The following RTN3 variants were observed in gnomAD, a reference collection of about 807,000 sequenced individuals.
The protein encoded by RTN3 is reticulon 3.
Under a neutral mutation model 77.8 loss-of-function variants are expected in RTN3, and 49 were observed. That is an observed-to-expected ratio of 0.63 (90% confidence interval 0.50 to 0.80). RTN3 has a LOEUF of 0.80. Ranked by LOEUF, RTN3 falls within the 30% of genes least tolerant of loss-of-function variation. RTN3 has a pLI of 0.00. For missense variants in RTN3, 1,236 were observed against 1,211.9 expected, an observed-to-expected ratio of 1.02 and a Z score of -0.29; for synonymous variants, 464 against 446.9, an observed-to-expected ratio of 1.04 and a Z score of -0.48.
chr11:63,726,292 T>A (rs1256810709), intron 3 of RTN3, among the ~76,000 whole-genome samples: 1 of 152,108 alleles, frequency 6.6e-6, no homozygotes, highest in Admixed American at 6.6e-5. Flanking sequence ...ATGAAATTAG[T>A]TTTTTATTTT....
intron 2 of RTN3, among the ~76,000 whole-genome samples, chr11:63,706,957 T>C (rs1942525661): frequency 6.6e-6 from 1 of 151,206 alleles, no homozygotes; most frequent in Non-Finnish European, 1.5e-5. Context: ...AGTGCATTGG[T>C]GTGATCTCAG....
At chr11:63,686,500 C>A (rs1590770585) in intron 1 of RTN3, among the ~76,000 whole-genome samples, 1 of 145,496 alleles carries the variant, frequency 6.9e-6, no homozygotes, top group Non-Finnish European at 1.5e-5. Flanking sequence ...AGAACAAATT[C>A]TATACTTGCT....
At chr11:63,747,910 A>G (rs1050484403) in intron 3 of RTN3, among the ~76,000 whole-genome samples, 22 of 152,170 alleles carry the variant, frequency 1.4e-4, no homozygotes, top group Non-Finnish European at 2.5e-4. Flanking sequence ...ACTTAAACTC[A>G]TGTCTCTCCA....
At position 63,719,839 on chromosome 11, in the gene RTN3, C is replaced by A; in HGVS notation, c.1337C>A (p.Thr446Lys). The change falls in exon 3 of 9, where the codon ACA (threonine) becomes AAA (lysine). Residue 446 changes from threonine to lysine, a missense_variant. Thr to Lys is a moderately conservative substitution (Grantham distance 78, BLOSUM62 -1). Transcript: ENST00000377819. ...GGCAATATGCAGAAACAGGATGACACACTTGCAGAATTACCTGGATCTCCA... is the reference window on the plus strand; with the variant it reads ...GGCAATATGCAGAAACAGGATGACAAACTTGCAGAATTACCTGGATCTCCA... The part of the protein sequence containing the change: ...VQGNMQKQDD[T>K]LAELPGSPPE... 6.2e-7 allele frequency: 1 copy of A among 1,614,130 alleles called. No homozygotes were observed. Among genetic ancestry groups the A allele is most frequent in the Non-Finnish European group, 8.5e-7 (1 of 1,180,008 alleles).
intron 1 of RTN3, among the ~76,000 whole-genome samples, chr11:63,693,375 TG>T (rs2134655450): frequency 6.6e-6 from 1 of 151,856 alleles, no homozygotes; most frequent in South Asian, 2.1e-4. Flanking sequence ...CCCAGCTACT[TG>T]GGAAGGCTGA....
intron 1 of RTN3, among the ~76,000 whole-genome samples, chr11:63,702,496 A>G (rs1289291230): frequency 2.6e-5 from 4 of 151,032 alleles, no homozygotes; most frequent in Non-Finnish European, 4.4e-5. Context: ...TTGTATCTTT[A>G]GTAGAGACAG....
At chr11:63,725,548 A>G (rs1281262376) in intron 3 of RTN3, among the ~76,000 whole-genome samples, 1 of 151,736 alleles carries the variant, frequency 6.6e-6, no homozygotes, top group Non-Finnish European at 1.5e-5. Flanking sequence ...TCCCGGGTTC[A>G]TGCCATTCTC....
chr11:63,740,221 A>G (rs556689842), intron 3 of RTN3, among the ~76,000 whole-genome samples: 1 of 152,094 alleles, frequency 6.6e-6, no homozygotes, highest in African/African-American at 2.4e-5. Context: ...AAAAGTTTAT[A>G]TGGAAGTTTG....
intron 3 of RTN3, among the ~76,000 whole-genome samples, chr11:63,739,660 G>A (rs1044323638): frequency 2.6e-5 from 4 of 152,172 alleles, no homozygotes; most frequent in African/African-American, 7.2e-5. Context: ...TCAGGAGTCA[G>A]GATCTACTCC....
intron 1 of RTN3, among the ~76,000 whole-genome samples, chr11:63,687,122 A>G (rs910499036): frequency 6.6e-6 from 1 of 152,218 alleles, no homozygotes; most frequent in Non-Finnish European, 1.5e-5. Context: ...CAACACTGAC[A>G]TCATCTGAGT....
At chr11:63,704,333 C>T (rs1266476874) in intron 1 of RTN3, among the ~76,000 whole-genome samples, 1 of 152,082 alleles carries the variant, frequency 6.6e-6, no homozygotes, top group Non-Finnish European at 1.5e-5. Flanking sequence ...AGATAGATTT[C>T]TCATGTAGTC....
Position 63,758,615 on chromosome 11 carries a change from GA to G in RTN3, c.*420del, listed in dbSNP as rs1010428778. On this transcript the variant is annotated 3_prime_UTR_variant, in exon 9 of 9. Transcript: ENST00000377819. ...CCTTAAGAAGTCATGATTAACTTAT[GA>G]AAAAATTATTTGGGGACAGGAGTGT... is the stretch of plus-strand genomic sequence containing the variant. 2 of 392,412 alleles carry G rather than the reference GA, an allele frequency of 5.1e-6. No homozygotes were observed. Among genetic ancestry groups the G allele is most frequent in the African/African-American group, 4.1e-5 (2 of 48,336 alleles). 24.3% of individuals were successfully genotyped at this position (392,412 alleles called of 1,614,324 possible). A position where few individuals can be genotyped will look rare whatever the true frequency, so the allele number is the denominator to read the frequency against.
chr11:63,717,875 C>T (rs1166038124), intron 2 of RTN3, among the ~76,000 whole-genome samples: 1 of 151,626 alleles, frequency 6.6e-6, no homozygotes, highest in Non-Finnish European at 1.5e-5. Flanking sequence ...ATTAGCTGGG[C>T]TTGATGGTGC....
rs1455787206 is a variant in RTN3 at position 63,720,364 on chromosome 11, A to G, written c.1862A>G (p.Asn621Ser). ...TCAACAGTGTCTCCAAATGTTTTTA[A>G]TGAGACAGAATTCTCATTAAATGTG... The part of the protein sequence containing the change: ...LPSTVSPNVF[N>S]ETEFSLNVTT... The change falls in exon 3 of 9, where the codon AAT (asparagine) becomes AGT (serine). Residue 621 changes from asparagine to serine, a missense_variant. Physicochemically the swap from Asn to Ser is conservative, Grantham distance 46 (BLOSUM62 1). Around this residue, in one of 3 missense-constraint regions of RTN3, gnomAD observed 1,056 missense variants for 990.4 expected, o/e 1.07. Coordinates refer to ENST00000377819, the MANE Select transcript of RTN3 (RefSeq NM_001265589.2). 5.0e-6 allele frequency: 8 copies of G among 1,613,984 alleles called. No individual in the cohort carries two copies. Among genetic ancestry groups the G allele is most frequent in the Non-Finnish European group, 6.8e-6 (8 of 1,180,000 alleles).
intron 3 of RTN3, among the ~76,000 whole-genome samples, chr11:63,723,837 CAATG>C (rs532077042): frequency 9.2e-5 from 14 of 152,090 alleles, no homozygotes; most frequent in Non-Finnish European, 2.1e-4. Context: ...GCAAAAGAAA[CAATG>C]AAAGAATTAG....
In RTN3 at chr11:63,720,362, T is replaced by C. The variant is rs1364935620; in HGVS notation, c.1860T>C (p.Phe620=). ...KLPSTVSPNV[F]NETEFSLNVT... ...CTTCAACAGTGTCTCCAAATGTTTTTAATGAGACAGAATTCTCATTAAATG... is the reference window on the plus strand; with the variant it reads ...CTTCAACAGTGTCTCCAAATGTTTTCAATGAGACAGAATTCTCATTAAATG... The change falls in exon 3 of 9, where the codon TTT becomes TTC. Residue 620 remains phenylalanine, a synonymous_variant. Coordinates refer to ENST00000377819, the MANE Select transcript of RTN3 (RefSeq NM_001265589.2). The C allele has an allele frequency of 2.5e-6, 4 of 1,613,994 alleles. No homozygotes were observed. The Admixed American group carries it at 6.7e-5, about 27-fold the overall frequency.
At position 63,720,135 on chromosome 11, in the gene RTN3, T is replaced by A; in HGVS notation, c.1633T>A (p.Cys545Ser). The part of the protein sequence containing the change: ...GEREIKEIPS[C>S]EREEKTSKNF... ...AAGAGAAATCAAAGAGATTCCCAGT[T>A]GTGAGAGAGAAGAAAAAACATCTAA... Residue 545 changes from cysteine (C) to serine (S), a missense_variant, in exon 3 of 9, where the codon TGT becomes AGT. Physicochemically the swap from Cys to Ser is moderately radical, Grantham distance 112. Coordinates refer to ENST00000377819, the MANE Select transcript of RTN3 (RefSeq NM_001265589.2). 6.2e-7 allele frequency: 1 copy of A among 1,613,710 alleles called. No homozygotes were observed. Among genetic ancestry groups the A allele is most frequent in the Non-Finnish European group, 8.5e-7 (1 of 1,179,918 alleles).
At chr11:63,696,257 C>T (rs1424303547) in intron 1 of RTN3, among the ~76,000 whole-genome samples, 4 of 151,456 alleles carry the variant, frequency 2.6e-5, no homozygotes, top group Admixed American at 2.0e-4. Context: ...ATTAGCCAGA[C>T]GTGATGGTGC....
intron 3 of RTN3, among the ~76,000 whole-genome samples, chr11:63,746,109 C>T (rs1330412289): frequency 1.3e-5 from 2 of 152,182 alleles, no homozygotes; most frequent in Non-Finnish European, 2.9e-5. Flanking sequence ...CCGCACCTGG[C>T]CTAAAGGTGT....
Sources: allele counts gnomAD v4.1 joint callset (sites outside exome capture counted in the v4.1 genomes callset), GRCh38; gene constraint gnomAD v4.1.1; regional missense constraint gnomAD v4.1.1; transcripts MANE v1.5; gene names NCBI Gene and HGNC (gene_info 2026-07-23, HGNC 2026-07-21).